Variants in SYN3 observed in about 807,000 individuals in gnomAD.
SYN3 encodes the protein synapsin-3.
In SYN3, 35 loss-of-function variants were observed where a neutral mutation model predicts 65.8. The ratio of observed to expected loss-of-function variants is 0.53; its 90% CI spans 0.41 to 0.70. The LOEUF is 0.70. SYN3 is among the 30% of genes least tolerant of loss of function. SYN3 has a pLI of 0.00. For missense variants in SYN3, 680 were observed against 749.0 expected, an observed-to-expected ratio of 0.91 and a Z score of 1.08; for synonymous variants, 270 against 292.9, an observed-to-expected ratio of 0.92 and a Z score of 0.80.
chr22:32,903,887 A>T (rs971988144), intron 4 of SYN3, among the ~76,000 whole-genome samples: 1 of 152,228 alleles, frequency 6.6e-6, no homozygotes, highest in Admixed American at 6.5e-5. Context: ...AAGACCATCA[A>T]CTGCACAATG....
At chr22:32,630,168 G>C (rs1053245695) in intron 6 of SYN3, among the ~76,000 whole-genome samples, 2 of 152,010 alleles carry the variant, frequency 1.3e-5, no homozygotes, top group African/African-American at 4.8e-5. Flanking sequence ...ATTTTTAGTA[G>C]AGACGGGGTT....
chr22:32,776,089 A>C (rs1017941752), intron 6 of SYN3, among the ~76,000 whole-genome samples: 21 of 152,192 alleles, frequency 1.4e-4, no homozygotes, highest in African/African-American at 4.8e-4. Flanking sequence ...GTGCCCTCAC[A>C]GAGGACGAGG....
chr22:32,717,826 C>G (rs965362062), intron 6 of SYN3, among the ~76,000 whole-genome samples: 1 of 152,196 alleles, frequency 6.6e-6, no homozygotes, highest in Non-Finnish European at 1.5e-5. Flanking sequence ...GCGGATCTGA[C>G]TTGAAATGGG....
rs2057678787 is a variant in SYN3, at chr22:32,510,493, T to C, written c.*3199A>G. Reference sequence around the variant, plus strand: ...TGAAGAGGGACGATTGCCACAGGGGTTTCCTGTGTTCTTAATCTCCTGAAA... The same window carrying C: ...TGAAGAGGGACGATTGCCACAGGGGCTTCCTGTGTTCTTAATCTCCTGAAA... On this transcript the variant is annotated 3_prime_UTR_variant, in exon 14 of 14. Transcript: ENST00000358763. Among the ~76,000 whole-genome samples the C allele has an allele frequency of 6.6e-6, 1 of 152,178 alleles. No homozygotes were observed. Among genetic ancestry groups the C allele is most frequent in the Non-Finnish European group, 1.5e-5 (1 of 68,038 alleles).
At chr22:32,874,142 AAAAG>A (rs1421507876) in intron 4 of SYN3, among the ~76,000 whole-genome samples, 1 of 152,126 alleles carries the variant, frequency 6.6e-6, no homozygotes, top group Non-Finnish European at 1.5e-5. Context: ...TCAAAAAAGA[AAAAG>A]AAAGTAAAAA....
chr22:32,653,732 T>C (rs148799564), intron 6 of SYN3, among the ~76,000 whole-genome samples: 1 of 152,286 alleles, frequency 6.6e-6, no homozygotes, highest in African/African-American at 2.4e-5. Flanking sequence ...CGGGTCCAAA[T>C]TCTCATAGCC....
intron 3 of SYN3, among the ~76,000 whole-genome samples, chr22:32,943,280 A>G (rs1328044771): frequency 2.6e-5 from 4 of 152,328 alleles, no homozygotes; most frequent in African/African-American, 4.8e-5. Flanking sequence ...GAAGAGAGTG[A>G]GGGCCAATAT....
intron 6 of SYN3, among the ~76,000 whole-genome samples, chr22:32,609,919 T>C (rs530400385): frequency 4.9e-4 from 75 of 152,330 alleles, no homozygotes; most frequent in African/African-American, 1.7e-3. Context: ...TTTACAACTT[T>C]ATTGAGATAC....
chr22:32,627,502 C>T (rs1295852460), intron 6 of SYN3, among the ~76,000 whole-genome samples: 5 of 152,142 alleles, frequency 3.3e-5, no homozygotes, highest in African/African-American at 9.7e-5. Context: ...GATGCAGACA[C>T]ACATCTACCT....
At chr22:32,936,234 A>AGGC (rs2050772318) in intron 3 of SYN3, among the ~76,000 whole-genome samples, 1 of 152,232 alleles carries the variant, frequency 6.6e-6, no homozygotes, top group African/African-American at 2.4e-5. Flanking sequence ...GACAAACTGC[A>AGGC]TTACATATCA....
chr22:32,803,317 G>A (rs554665607), intron 6 of SYN3, among the ~76,000 whole-genome samples: 2 of 152,070 alleles, frequency 1.3e-5, no homozygotes, highest in African/African-American at 4.8e-5. Flanking sequence ...CTCTACCAGC[G>A]TGTTGTGGTG....
At chr22:32,557,027 G>A (rs2058513409) in intron 7 of SYN3, among the ~76,000 whole-genome samples, 1 of 151,732 alleles carries the variant, frequency 6.6e-6, no homozygotes, top group South Asian at 2.1e-4. Context: ...TTTTTAAGAT[G>A]GTATAAACTC....
At chr22:32,981,588 C>CAATAATAATAATAAT (rs534663521) in intron 2 of SYN3, among the ~76,000 whole-genome samples, 4 of 149,894 alleles carry the variant, frequency 2.7e-5, no homozygotes, top group African/African-American at 7.4e-5. Flanking sequence ...CAGTCTCAAA[C>CAATAATAATAATAAT]AATAATAATA....
chr22:32,768,936 A>G (rs953913733), intron 6 of SYN3, among the ~76,000 whole-genome samples: 3 of 152,064 alleles, frequency 2.0e-5, no homozygotes, highest in African/African-American at 7.2e-5. Flanking sequence ...TCCAGTACCT[A>G]TTCCATATAC....
chr22:32,850,960 C>G (rs1032894587), intron 6 of SYN3, among the ~76,000 whole-genome samples: 6 of 152,152 alleles, frequency 3.9e-5, no homozygotes, highest in African/African-American at 9.7e-5. Flanking sequence ...TTTTGTGGAA[C>G]CTGTTGCTTT....
chr22:32,941,338 T>C (rs902573189), intron 3 of SYN3, among the ~76,000 whole-genome samples: 4 of 152,216 alleles, frequency 2.6e-5, no homozygotes, highest in Non-Finnish European at 5.9e-5. Flanking sequence ...CTTCAGCATA[T>C]TTCTAAACAT....
chr22:33,047,002 G>A (rs904671269), intron 1 of SYN3, among the ~76,000 whole-genome samples: 3 of 151,728 alleles, frequency 2.0e-5, no homozygotes, highest in Non-Finnish European at 2.9e-5. Flanking sequence ...TCTCTGCCAG[G>A]TACTCTTTTC....
At chr22:32,814,182 AAAGAAAG>A (rs2047002417) in intron 6 of SYN3, among the ~76,000 whole-genome samples, 1 of 10,708 alleles carries the variant, frequency 9.3e-5, no homozygotes, top group Non-Finnish European at 1.7e-4. Context: ...GAAAGAAAGA[AAAGAAAG>A]AAAGAAAGAA....
At chr22:32,747,774 T>G (rs1177122068) in intron 6 of SYN3, among the ~76,000 whole-genome samples, 1 of 152,184 alleles carries the variant, frequency 6.6e-6, no homozygotes, top group Non-Finnish European at 1.5e-5. Flanking sequence ...CATGCACCAG[T>G]GTCAGTGGAG....
Sources: gnomAD v4.1 joint callset for allele counts (sites outside exome capture counted in the v4.1 genomes callset) on GRCh38, gnomAD v4.1.1 for gene constraint, MANE v1.5 for transcripts, NCBI Gene and HGNC (gene_info 2026-07-23, HGNC 2026-07-21) for gene names.